The following PTPRD variants were observed in gnomAD, a reference collection of about 807,000 sequenced individuals.
PTPRD encodes protein tyrosine phosphatase receptor type D, also known as receptor-type tyrosine-protein phosphatase delta.
A neutral mutation model predicts 214.5 loss-of-function variants in PTPRD; 34 were observed. The observed-to-expected ratio is 0.16, with a 90% CI of 0.12 to 0.21. The LOEUF is 0.21. PTPRD is among the 10% of genes least tolerant of loss of function. The pLI is 1.00. For synonymous variants in PTPRD, 1,128 were observed against 845.7 expected (o/e 1.33, Z -5.79); for missense variants, 2,545 against 2,398.7 (o/e 1.06, Z -1.27).
At chr9:9,712,500 G>A (rs916358266) in intron 7 of PTPRD, among the ~76,000 whole-genome samples, 6 of 152,064 alleles carry the variant, frequency 3.9e-5, no homozygotes, top group Non-Finnish European at 7.3e-5. Context: ...CATTGAACCC[G>A]CAGGGAAGAA....
At chr9:9,837,998 A>C (rs200418688) in intron 5 of PTPRD, among the ~76,000 whole-genome samples, 3 of 151,768 alleles carry the variant, frequency 2.0e-5, no homozygotes, top group Non-Finnish European at 4.4e-5. Flanking sequence ...AATTCCCACC[A>C]ATGAGTGAGA....
intron 3 of PTPRD, among the ~76,000 whole-genome samples, chr9:10,242,298 C>T (rs2091234790): frequency 6.6e-6 from 1 of 151,912 alleles, no homozygotes; most frequent in Non-Finnish European, 1.5e-5. Flanking sequence ...TTTCTTTAAG[C>T]TCCCATATAA....
intron 2 of PTPRD, among the ~76,000 whole-genome samples, chr9:10,364,948 G>C (rs1044488008): frequency 2.6e-5 from 4 of 152,148 alleles, no homozygotes; most frequent in Non-Finnish European, 5.9e-5. Flanking sequence ...GATGTTCTTT[G>C]TCGAAATAAG....
chr9:10,073,331 T>C (rs1028151813), intron 3 of PTPRD, among the ~76,000 whole-genome samples: 3 of 152,040 alleles, frequency 2.0e-5, no homozygotes, highest in African/African-American at 4.8e-5. Flanking sequence ...ATAAGTAACT[T>C]TGGAAATGAA....
intron 8 of PTPRD, among the ~76,000 whole-genome samples, chr9:9,448,293 C>A (rs2091104046): frequency 6.6e-6 from 1 of 151,964 alleles, no homozygotes; most frequent in African/African-American, 2.4e-5. Flanking sequence ...AATTGTAGTC[C>A]CCACACGAGG....
At chr9:10,277,972 C>G (rs1056031894) in intron 3 of PTPRD, among the ~76,000 whole-genome samples, 1 of 151,836 alleles carries the variant, frequency 6.6e-6, no homozygotes, top group African/African-American at 2.4e-5. Context: ...TCGTGGCTAA[C>G]GAGGGAGAAA....
intron 3 of PTPRD, among the ~76,000 whole-genome samples, chr9:10,221,793 T>G (rs10958952): frequency 0.085 from 12,855 of 152,010 alleles, 704 homozygotes; most frequent in Non-Finnish European, 0.12. Context: ...CTGTTTTTTT[T>G]TTCCATTTCA....
intron 9 of PTPRD, among the ~76,000 whole-genome samples, chr9:9,309,073 G>A (rs531140224): frequency 6.6e-6 from 1 of 152,002 alleles, no homozygotes; most frequent in South Asian, 2.1e-4. Flanking sequence ...TTTCTGCAAT[G>A]TACAAATAAA....
intron 39 of PTPRD, among the ~76,000 whole-genome samples, chr9:8,352,047 G>A (rs562907538): frequency 2.1e-4 from 30 of 146,232 alleles, no homozygotes; most frequent in African/African-American, 7.3e-4. Context: ...ACTCCGTCTC[G>A]AGAAAGAAAA....
intron 2 of PTPRD, among the ~76,000 whole-genome samples, chr9:10,482,089 T>G (rs894719081): frequency 4.6e-5 from 7 of 152,102 alleles, no homozygotes; most frequent in Non-Finnish European, 8.8e-5. Context: ...AAACAAATGT[T>G]GGCCGGGCGC....
At position 10,177,538 on chromosome 9, in the gene PTPRD, C is replaced by T. The variant is rs1015725860; in HGVS notation, c.-544-143748G>A. 5.3e-5 allele frequency among the ~76,000 whole-genome samples: 8 copies of T among 150,820 alleles called. No homozygotes were observed. The East Asian group carries it at 7.8e-4, about 15-fold the overall frequency. On this transcript the variant is annotated intron_variant, in intron 3 of 45. Coordinates refer to ENST00000381196, the MANE Select transcript of PTPRD (RefSeq NM_002839.4). The stretch of plus-strand genomic sequence containing the variant: ...TATAGAAAACAAATGGAAAGATAGG[C>T]GGGACAGGAAGACCAGAGGAAAAAC...
At chr9:9,189,345 G>A (rs1174706733) in intron 9 of PTPRD, among the ~76,000 whole-genome samples, 9 of 152,048 alleles carry the variant, frequency 5.9e-5, no homozygotes, top group South Asian at 2.1e-4. Flanking sequence ...TGGGGCTAAC[G>A]TAGTAGTTAA....
chr9:8,745,370 T>C (rs933793079), intron 11 of PTPRD, among the ~76,000 whole-genome samples: 2 of 152,074 alleles, frequency 1.3e-5, no homozygotes, highest in African/African-American at 4.8e-5. Flanking sequence ...GTGATCAACA[T>C]AAAGAAAAAG....
At chr9:9,703,300 A>G (rs1323277191) in intron 7 of PTPRD, among the ~76,000 whole-genome samples, 2 of 152,276 alleles carry the variant, frequency 1.3e-5, no homozygotes, top group East Asian at 3.9e-4. Context: ...TCTTTCCATT[A>G]TAAATTACCC....
rs201165323 is a variant in PTPRD, at chr9:9,324,436, A to G, written c.-203+73013T>C. 2.0e-5 allele frequency among the ~76,000 whole-genome samples: 3 copies of G among 152,094 alleles called. No individual in the cohort carries two copies. In the South Asian group the frequency reaches 6.2e-4, roughly 32 times the overall value. ...GGTTTTGATGTGCATTTCTCTGATG[A>G]CCAGTGATGATGAGCATTTTTTCAT... On this transcript the variant is annotated intron_variant, in intron 9 of 45. Coordinates refer to ENST00000381196, the MANE Select transcript of PTPRD (RefSeq NM_002839.4).
At chr9:10,000,773 G>A (rs1379853225) in intron 4 of PTPRD, among the ~76,000 whole-genome samples, 1 of 152,224 alleles carries the variant, frequency 6.6e-6, no homozygotes, top group Non-Finnish European at 1.5e-5. Context: ...AACATGGCCA[G>A]CTTGGTGATT....
intron 9 of PTPRD, among the ~76,000 whole-genome samples, chr9:9,236,263 A>G (rs919555301): frequency 2.0e-5 from 3 of 152,160 alleles, no homozygotes; most frequent in Non-Finnish European, 4.4e-5. Flanking sequence ...CAAAATAAAT[A>G]AATAAATACA....
At chr9:10,432,529 A>C (rs2098689941) in intron 2 of PTPRD, among the ~76,000 whole-genome samples, 1 of 151,898 alleles carries the variant, frequency 6.6e-6, no homozygotes, top group Non-Finnish European at 1.5e-5. Flanking sequence ...TCTTCACCAA[A>C]AGCTGGCATC....
rs186099294 is a variant in PTPRD, at chr9:8,586,168, C to T, written c.352+47149G>A. Among the ~76,000 whole-genome samples the T allele has an allele frequency of 1.5e-4, 23 of 152,142 alleles. No homozygotes were observed. The East Asian group carries it at 3.9e-3, about 26-fold the overall frequency. On this transcript the variant is annotated intron_variant, in intron 14 of 45. Transcript: ENST00000381196. ...TACAAAAATTAGCTAGGCGTGGCGG[C>T]GTGTGCCTGTAATCCCAGCTACTTC...
Sources: allele counts gnomAD v4.1 joint callset (sites outside exome capture counted in the v4.1 genomes callset), GRCh38; gene constraint gnomAD v4.1.1; transcripts MANE v1.5; gene names NCBI Gene and HGNC (gene_info 2026-07-23, HGNC 2026-07-21).